Variants in UNC80 observed in about 807,000 individuals in gnomAD.
The protein encoded by UNC80 is unc-80 subunit of NALCN channel complex.
In UNC80, 164 loss-of-function variants were observed where a neutral mutation model predicts 384.6. That is an observed-to-expected ratio of 0.43 (90% CI 0.38 to 0.49). The LOEUF is 0.49. Among genes scored for constraint, UNC80 ranks in the 20% least tolerant of loss-of-function variants. The pLI, the probability that UNC80 is intolerant of heterozygous loss-of-function variation, is 0.00. For missense variants in UNC80, 3,330 were observed against 4,143.0 expected (o/e 0.80, Z 5.39); for synonymous variants, 1,486 against 1,527.8 (o/e 0.97, Z 0.64).
At chr2:209,779,809 T>C (rs2153824826) in intron 4 of UNC80, among the ~76,000 whole-genome samples, 1 of 152,350 alleles carries the variant, frequency 6.6e-6, no homozygotes, top group Admixed American at 6.5e-5. Flanking sequence ...TGTTTATATG[T>C]TGACAAATAT....
At chr2:209,826,943 C>T (rs2080568837) in intron 14 of UNC80, among the ~76,000 whole-genome samples, 1 of 152,124 alleles carries the variant, frequency 6.6e-6, no homozygotes, top group African/African-American at 2.4e-5. Flanking sequence ...GAAATGTTCA[C>T]ACAGTATTAG....
rs752449579 is a variant in UNC80, at chr2:209,829,212, C to CT, written c.2479-16dup. 1 of 1,550,422 alleles carries CT rather than the reference C, an allele frequency of 6.4e-7. No individual in the cohort carries two copies. On this transcript the variant is annotated intron_variant, in intron 14 of 64. Coordinates refer to ENST00000673920, the MANE Select transcript of UNC80 (RefSeq NM_001371986.1). ...TAAGCTGGTACTTGTGACTTTTTCA[C>CT]TTTTCTTCCTTCATTGCAGGCCCAG...
At chr2:209,788,224 C>T (rs751778815) in intron 5 of UNC80, among the ~76,000 whole-genome samples, 1 of 152,202 alleles carries the variant, frequency 6.6e-6, no homozygotes, top group African/African-American at 2.4e-5. Flanking sequence ...AGAGACCAGC[C>T]TGACCCACAC....
rs948521280 is a variant in UNC80, at chr2:209,997,496, T to A, written c.*1901T>A. 1.3e-5 allele frequency: 2 copies of A among 152,212 alleles called. No homozygotes were observed. The highest frequency in any genetic ancestry group is 6.5e-5 in the Admixed American group (1 of 15,286). The allele number at this position is 152,212 out of a possible 1,614,324, so 9.4% of individuals were successfully genotyped here. A position where few individuals can be genotyped will look rare whatever the true frequency, so the allele number is the denominator to read the frequency against. On this transcript the variant is annotated 3_prime_UTR_variant, in exon 65 of 65. Transcript: ENST00000673920. Reference sequence around the variant, plus strand: ...TGTTCCAGTTTCTTCAAATTATCTATGTATAATTGTATGAAATATTTAAAT... The same window carrying A: ...TGTTCCAGTTTCTTCAAATTATCTAAGTATAATTGTATGAAATATTTAAAT...
chr2:209,943,857 T>C (rs1180768366), intron 45 of UNC80, among the ~76,000 whole-genome samples: 1 of 152,122 alleles, frequency 6.6e-6, no homozygotes, highest in African/African-American at 2.4e-5. Context: ...ATGCCAGTCC[T>C]GGTTACTTTG....
intron 29 of UNC80, 79 bp from the exon 30 acceptor site, chr2:209,912,481 G>A (rs746029455): frequency 1.1e-5 from 9 of 828,572 alleles, no homozygotes; most frequent in African/African-American, 1.8e-5. Context: ...TGGTTGCCTG[G>A]AGAATTGCGG....
In UNC80 at chr2:209,825,996, T is replaced by C. The variant is rs1358167759; in HGVS notation, c.2421T>C (p.Gly807=). The change falls in exon 14 of 65, where the codon GGT becomes GGC. Residue 807 remains glycine (G), a synonymous_variant. Transcript: ENST00000673920. The part of the protein sequence containing the change: ...VKSLGCAYGC[G]EGHRGLSGDR... ...CTTTGGGATGTGCCTATGGTTGTGG[T>C]GAAGGACACCGAGGGCTCTCTGGAG... 3 of 1,550,974 alleles carry C rather than the reference T, an allele frequency of 1.9e-6. No homozygotes were observed. In the East Asian group the frequency reaches 7.3e-5, roughly 38 times the overall value.
At chr2:209,958,851 C>T (rs2092498676) in intron 49 of UNC80, among the ~76,000 whole-genome samples, 1 of 152,126 alleles carries the variant, frequency 6.6e-6, no homozygotes, top group African/African-American at 2.4e-5. Context: ...TGGCTATATT[C>T]TATGAGTTTG....
At chr2:209,857,030 T>A (rs2082987380) in intron 22 of UNC80, among the ~76,000 whole-genome samples, 1 of 152,024 alleles carries the variant, frequency 6.6e-6, no homozygotes, top group Admixed American at 6.6e-5. Flanking sequence ...CCTTAGGTAA[T>A]CCACCCACCT....
chr2:209,917,841 G>A lies in UNC80; in HGVS notation c.5094G>A (p.Glu1698=), dbSNP rs1168666969. The A allele has an allele frequency of 7.1e-6, 11 of 1,552,118 alleles. No homozygotes were observed. Among genetic ancestry groups the A allele is most frequent in the Non-Finnish European group, 9.6e-6 (11 of 1,147,072 alleles). ...CCGTGTCCGACATGCTGATGTCAGA[G>A]TTCCACCACCCGGAGACTGTGCAGA... ...PEAVSDMLMS[E]FHHPETVQRL... The change falls in exon 32 of 65, where the codon GAG becomes GAA. Residue 1698 remains glutamate (E), a synonymous_variant. Transcript: ENST00000673920.
At chr2:209,820,747 C>T in intron 13 of UNC80, 68 bp downstream of exon 13, 2 of 1,455,002 alleles carry the variant, frequency 1.4e-6, no homozygotes, top group Non-Finnish European at 9.1e-7. Flanking sequence ...AGCTTGCTTG[C>T]CAGCAGTTTA....
chr2:209,897,969 G>T (rs996204235), intron 28 of UNC80, among the ~76,000 whole-genome samples: 6 of 152,026 alleles, frequency 3.9e-5, no homozygotes, highest in Non-Finnish European at 5.9e-5. Flanking sequence ...TTTTTGCTAA[G>T]ATTTTTTCAT....
At chr2:209,974,820 G>A (rs1266416763) in intron 56 of UNC80, among the ~76,000 whole-genome samples, 1 of 152,238 alleles carries the variant, frequency 6.6e-6, no homozygotes, top group African/African-American at 2.4e-5. Flanking sequence ...GGCTGATGGA[G>A]GTTTAGGTGG....
chr2:209,918,461 T>A, intron 32 of UNC80, 71 bp from the exon 33 acceptor site: 1 of 1,462,388 alleles, frequency 6.8e-7, no homozygotes. Context: ...ACAGATTGTG[T>A]CATCATTATA....
chr2:209,937,471 A>C, intron 41 of UNC80, 58 bp from the exon 42 acceptor site: 1 of 1,288,332 alleles, frequency 7.8e-7, no homozygotes, highest in Non-Finnish European at 1.1e-6. Context: ...AGAAGAAATG[A>C]GAAAAGATGT....
intron 25 of UNC80, among the ~76,000 whole-genome samples, chr2:209,887,228 G>A (rs1262423556): frequency 6.6e-6 from 1 of 151,862 alleles, no homozygotes; most frequent in East Asian, 1.9e-4. Flanking sequence ...TATAGACGGG[G>A]TTTTTTCTCG....
chr2:209,776,263 TAATATATG>T (rs1167086169), intron 3 of UNC80, among the ~76,000 whole-genome samples: 1 of 152,240 alleles, frequency 6.6e-6, no homozygotes, highest in Non-Finnish European at 1.5e-5. Context: ...ATTTTACAAG[TAATATATG>T]AATATATTCT....
At chr2:209,979,320 TC>T (rs1196589727) in intron 59 of UNC80, among the ~76,000 whole-genome samples, 2 of 146,216 alleles carry the variant, frequency 1.4e-5, no homozygotes, top group African/African-American at 4.9e-5. Context: ...TTCCACTAAC[TC>T]CCATTTAAAT....
chr2:209,950,193 G>C (rs1018756112), intron 47 of UNC80, among the ~76,000 whole-genome samples: 2 of 152,166 alleles, frequency 1.3e-5, no homozygotes, highest in Admixed American at 1.3e-4. Context: ...TGTAAGTAAT[G>C]TGGTTTCTTG....
Sources: gnomAD v4.1 joint callset for allele counts (sites outside exome capture counted in the v4.1 genomes callset) on GRCh38, gnomAD v4.1.1 for gene constraint, MANE v1.5 for transcripts, NCBI Gene and HGNC (gene_info 2026-07-23, HGNC 2026-07-21) for gene names.